Variants in GRIK1 observed in about 807,000 individuals in gnomAD.
GRIK1 encodes the protein glutamate ionotropic receptor kainate type subunit 1.
GRIK1 carries 69 observed loss-of-function variants against 105.7 expected under a neutral mutation model. The ratio of observed to expected loss-of-function variants is 0.65; its 90% confidence interval spans 0.54 to 0.80. GRIK1 has a LOEUF of 0.80. Among genes scored for constraint, GRIK1 ranks in the 30% least tolerant of loss-of-function variants. The pLI, the probability that GRIK1 is intolerant of heterozygous loss-of-function variation, is 0.00. For missense variants in GRIK1, 1,109 were observed against 1,167.3 expected, an observed-to-expected ratio of 0.95 and a Z score of 0.73; for synonymous variants, 438 against 431.3, an observed-to-expected ratio of 1.02 and a Z score of -0.19.
intron 4 of GRIK1, among the ~76,000 whole-genome samples, chr21:29,665,182 A>T (rs1026855802): frequency 3.9e-5 from 6 of 152,308 alleles, no homozygotes; most frequent in East Asian, 3.9e-4. Context: ...GCCTTTGAGA[A>T]TCCTCAAATG....
intron 7 of GRIK1, among the ~76,000 whole-genome samples, chr21:29,601,715 C>A (rs2061522624): frequency 6.6e-6 from 1 of 152,186 alleles, no homozygotes; most frequent in Non-Finnish European, 1.5e-5. Context: ...ACCCCTCTGA[C>A]CAGTATTGCT....
intron 1 of GRIK1, among the ~76,000 whole-genome samples, chr21:29,704,474 G>A (rs955296007): frequency 6.6e-6 from 1 of 152,142 alleles, no homozygotes; most frequent in Non-Finnish European, 1.5e-5. Flanking sequence ...TGCTCTGCCT[G>A]TTCCTTGAAG....
chr21:29,820,260 T>C (rs1452688498), intron 1 of GRIK1, among the ~76,000 whole-genome samples: 1 of 152,084 alleles, frequency 6.6e-6, no homozygotes, highest in Non-Finnish European at 1.5e-5. Context: ...ACCAATTAGA[T>C]TTTCACCCTC....
intron 16 of GRIK1, among the ~76,000 whole-genome samples, chr21:29,553,032 A>C (rs919288296): frequency 2.0e-5 from 3 of 152,066 alleles, no homozygotes; most frequent in Non-Finnish European, 4.4e-5. Context: ...TAAATCGTGG[A>C]ATCAGTTTCA....
At chr21:29,909,402 T>C (rs1285431231) in intron 1 of GRIK1, among the ~76,000 whole-genome samples, 1 of 151,870 alleles carries the variant, frequency 6.6e-6, no homozygotes, top group Non-Finnish European at 1.5e-5. Flanking sequence ...GAGAGATCTC[T>C]GGTCATTAAT....
chr21:29,617,783 T>C (rs1220743869), intron 7 of GRIK1, among the ~76,000 whole-genome samples: 1 of 152,234 alleles, frequency 6.6e-6, no homozygotes, highest in Non-Finnish European at 1.5e-5. Context: ...GCATCCTTAA[T>C]GCATTTCAGG....
chr21:29,780,816 C>G (rs1183014144), intron 1 of GRIK1, among the ~76,000 whole-genome samples: 1 of 152,156 alleles, frequency 6.6e-6, no homozygotes, highest in East Asian at 1.9e-4. Context: ...TTCTGCCACA[C>G]CTGCTTTACA....
At chr21:29,886,640 C>T (rs1417122718) in intron 1 of GRIK1, among the ~76,000 whole-genome samples, 1 of 152,096 alleles carries the variant, frequency 6.6e-6, no homozygotes, top group African/African-American at 2.4e-5. Flanking sequence ...GTTCAAAAGA[C>T]CCCAAACACT....
At chr21:29,666,106 G>A (rs1319202297) in intron 4 of GRIK1, among the ~76,000 whole-genome samples, 1 of 152,108 alleles carries the variant, frequency 6.6e-6, no homozygotes, top group African/African-American at 2.4e-5. Flanking sequence ...AAACAAAAGT[G>A]AAAAATAAAT....
intron 16 of GRIK1, among the ~76,000 whole-genome samples, chr21:29,546,087 A>G (rs2090046071): frequency 6.6e-6 from 1 of 152,132 alleles, no homozygotes; most frequent in South Asian, 2.1e-4. Context: ...GGGATGTGAC[A>G]TCCTACTAGG....
In GRIK1 at chr21:29,831,497, A is replaced by G. The variant is rs993281192; in HGVS notation, c.118+107886T>C. ...ATTGACTCATGGTTCAACAGAAAGC[A>G]TGGCTGGGGAAGCCTCAGGAAACTT... On this transcript the variant is annotated intron_variant, in intron 1 of 17. Coordinates refer to ENST00000327783, the MANE Select transcript of GRIK1 (RefSeq NM_001330994.2). Among the ~76,000 whole-genome samples the G allele has an allele frequency of 3.9e-5, 6 of 152,228 alleles. 1 individual carries two copies. Among genetic ancestry groups the G allele is most frequent in the African/African-American group, 9.6e-5 (4 of 41,460 alleles).
intron 1 of GRIK1, among the ~76,000 whole-genome samples, chr21:29,797,581 G>A (rs1184417114): frequency 5.3e-5 from 8 of 152,036 alleles, no homozygotes; most frequent in Non-Finnish European, 7.3e-5. Context: ...ACACAGCCTC[G>A]TAATTTATTT....
intron 1 of GRIK1, among the ~76,000 whole-genome samples, chr21:29,892,045 A>G (rs1430529871): frequency 3.3e-5 from 5 of 152,216 alleles, no homozygotes; most frequent in Non-Finnish European, 7.3e-5. Flanking sequence ...TAATATTTCC[A>G]TCTTTATAGA....
At chr21:29,712,165 T>C (rs2064071713) in intron 1 of GRIK1, among the ~76,000 whole-genome samples, 2 of 151,114 alleles carry the variant, frequency 1.3e-5, no homozygotes, top group Admixed American at 1.3e-4. Context: ...TAAAATGTTG[T>C]ATTTTGTGTT....
chr21:29,935,063 C>T (rs1331042822), intron 1 of GRIK1, among the ~76,000 whole-genome samples: 1 of 152,114 alleles, frequency 6.6e-6, no homozygotes, highest in African/African-American at 2.4e-5. Flanking sequence ...CTACCTCCAG[C>T]CACAGAGGTC....
At chr21:29,876,909 A>G (rs2069211821) in intron 1 of GRIK1, among the ~76,000 whole-genome samples, 1 of 152,200 alleles carries the variant, frequency 6.6e-6, no homozygotes. Context: ...GATAAATTAC[A>G]ATCTACTTAA....
intron 1 of GRIK1, among the ~76,000 whole-genome samples, chr21:29,725,123 C>T (rs976778192): frequency 6.6e-5 from 10 of 151,984 alleles, no homozygotes; most frequent in African/African-American, 2.2e-4. Context: ...GAAGTGTGTT[C>T]TCATTGAATG....
chr21:29,550,647 T>C (rs1167238947), intron 16 of GRIK1, among the ~76,000 whole-genome samples: 1 of 152,190 alleles, frequency 6.6e-6, no homozygotes, highest in Non-Finnish European at 1.5e-5. Context: ...TGATTTGTAA[T>C]GCTTGTACAA....
intron 4 of GRIK1, among the ~76,000 whole-genome samples, chr21:29,666,298 G>T (rs1304506171): frequency 6.6e-6 from 1 of 152,154 alleles, no homozygotes; most frequent in East Asian, 1.9e-4. Context: ...AGTTGCTTGG[G>T]AGGCTGAGGC....
Sources: allele counts gnomAD v4.1 joint callset (sites outside exome capture counted in the v4.1 genomes callset), GRCh38; gene constraint gnomAD v4.1.1; transcripts MANE v1.5; gene names NCBI Gene and HGNC (gene_info 2026-07-23, HGNC 2026-07-21).